The following MTBP variants were observed in gnomAD, a reference collection of about 807,000 sequenced individuals.
MTBP encodes MDM2 binding protein.
A neutral mutation model predicts 117.0 loss-of-function variants in MTBP; 101 were observed. The ratio of observed to expected loss-of-function variants is 0.86; its 90% CI spans 0.73 to 1.02. The LOEUF (loss-of-function observed/expected upper bound fraction) is 1.02. Ranked by LOEUF, MTBP falls within the 50% of genes least tolerant of loss-of-function variation. The probability of loss-of-function intolerance (pLI) is 0.00; values close to 1 mark genes in which losing one functional copy is unlikely to be tolerated. For missense variants in MTBP, 970 were observed against 1,030.9 expected (o/e 0.94, Z 0.81); for synonymous variants, 350 against 351.5 (o/e 1.00, Z 0.05).
At chr8:120,449,508 T>C (rs926985675) in intron 2 of MTBP, among the ~76,000 whole-genome samples, 1 of 152,032 alleles carries the variant, frequency 6.6e-6, no homozygotes, top group African/African-American at 2.4e-5. Flanking sequence ...AGATATTAGG[T>C]TGGTGCAAAA....
At chr8:120,457,516 C>T (rs1397535405) in intron 7 of MTBP, among the ~76,000 whole-genome samples, 1 of 152,128 alleles carries the variant, frequency 6.6e-6, no homozygotes, top group Non-Finnish European at 1.5e-5. Context: ...GATTAGACAA[C>T]AGGAATCAAT....
intron 13 of MTBP, among the ~76,000 whole-genome samples, chr8:120,496,344 A>G (rs1814458069): frequency 6.6e-6 from 1 of 152,084 alleles, no homozygotes; most frequent in Admixed American, 6.5e-5. Flanking sequence ...CCCCCTCAAC[A>G]CCTTTCCTTA....
chr8:120,458,327 G>T (rs1356664375), intron 7 of MTBP, among the ~76,000 whole-genome samples: 1 of 152,114 alleles, frequency 6.6e-6, no homozygotes, highest in African/African-American at 2.4e-5. Context: ...GTCTTCATCT[G>T]TAAGATGATG....
At chr8:120,523,245 T>C in intron 21 of MTBP, 53 bp from the exon 22 acceptor site, 1 of 1,178,814 alleles carries the variant, frequency 8.5e-7, no homozygotes, top group Non-Finnish European at 1.2e-6. Context: ...TATTTTTCTA[T>C]TACTTGTGTT....
intron 13 of MTBP, among the ~76,000 whole-genome samples, chr8:120,495,492 T>C (rs1407472910): frequency 6.6e-6 from 1 of 152,236 alleles, no homozygotes; most frequent in Non-Finnish European, 1.5e-5. Context: ...GAGAGTCATA[T>C]CTTGAAATCT....
intron 15 of MTBP, among the ~76,000 whole-genome samples, chr8:120,503,904 G>A (rs994474690): frequency 7.2e-5 from 11 of 152,114 alleles, no homozygotes; most frequent in Admixed American, 2.6e-4. Flanking sequence ...GGCTTCAGTC[G>A]AGTGAGTGGT....
At chr8:120,501,926 T>C (rs1814594907) in intron 14 of MTBP, among the ~76,000 whole-genome samples, 1 of 152,206 alleles carries the variant, frequency 6.6e-6, no homozygotes, top group Admixed American at 6.5e-5. Flanking sequence ...TTACACATAA[T>C]ATTTGATTAG....
At chr8:120,457,164 A>G (rs1813486647) in intron 7 of MTBP, among the ~76,000 whole-genome samples, 1 of 152,076 alleles carries the variant, frequency 6.6e-6, no homozygotes, top group Non-Finnish European at 1.5e-5. Context: ...TTTTAACCTT[A>G]CTGGACCCCA....
At chr8:120,481,398 T>C (rs1814081304) in intron 11 of MTBP, among the ~76,000 whole-genome samples, 1 of 152,192 alleles carries the variant, frequency 6.6e-6, no homozygotes, top group Non-Finnish European at 1.5e-5. Context: ...TTATTTGTAA[T>C]AGCCAACACT....
chr8:120,479,154 A>G (rs2130563452), intron 11 of MTBP, among the ~76,000 whole-genome samples: 1 of 152,360 alleles, frequency 6.6e-6, no homozygotes. Context: ...ACTCCAAAGG[A>G]GAGAAGTTGT....
rs1379743540 is a variant in MTBP, at chr8:120,517,992, C to G, written c.2388C>G (p.Ser796Arg). The G allele has an allele frequency of 2.5e-6, 4 of 1,612,696 alleles. No individual in the cohort carries two copies. The highest frequency in any genetic ancestry group is 2.5e-6 in the Non-Finnish European group (3 of 1,179,152). The change falls in exon 19 of 22, where the codon AGC becomes AGG. Residue 796 changes from serine (S) to arginine (R), a missense_variant. Physicochemically the swap from Ser to Arg is moderately radical, Grantham distance 110. Transcript: ENST00000305949. ...PVTCPLVPIP[S>R]CETPKLATKT... ...CTTGTCCATTGGTTCCAATTCCTAGCTGTGAAACTCCAAAACTTGCTACAA... is the reference window on the plus strand; with the variant it reads ...CTTGTCCATTGGTTCCAATTCCTAGGTGTGAAACTCCAAAACTTGCTACAA...
chr8:120,513,235 T>A (rs1814850017), intron 17 of MTBP, among the ~76,000 whole-genome samples: 1 of 152,090 alleles, frequency 6.6e-6, no homozygotes, highest in Non-Finnish European at 1.5e-5. Context: ...CCAAGAGATT[T>A]GGCAGTTCCT....
intron 10 of MTBP, among the ~76,000 whole-genome samples, chr8:120,467,059 C>A (rs940378853): frequency 1.3e-5 from 2 of 152,144 alleles, no homozygotes; most frequent in Admixed American, 1.3e-4. Context: ...CTTCAGTCAG[C>A]ATCTTAGCTT....
chr8:120,515,258 A>G (rs1223131438), intron 17 of MTBP, among the ~76,000 whole-genome samples: 1 of 152,030 alleles, frequency 6.6e-6, no homozygotes, highest in Admixed American at 6.6e-5. Context: ...CACAGCTCCT[A>G]GGTGATCTTC....
chr8:120,446,492 C>A lies in MTBP; in HGVS notation c.178C>A (p.Pro60Thr). The change falls in exon 2 of 22, where the codon CCA becomes ACA. Residue 60 changes from proline to threonine, a missense_variant. Physicochemically the swap from Pro to Thr is conservative, Grantham distance 38. Coordinates refer to ENST00000305949, the MANE Select transcript of MTBP (RefSeq NM_022045.5). ...LKRSISASIN[P>T]EDSTFPACSV... ...AAGAAGCATTAGTGCTTCAATTAAT[C>A]CAGAAGATAGTACTTTCCCTGGTAA... The A allele has an allele frequency of 6.3e-7, 1 of 1,595,550 alleles. No individual in the cohort carries two copies. The highest frequency in any genetic ancestry group is 8.6e-7 in the Non-Finnish European group (1 of 1,163,462).
intron 9 of MTBP, 48 bp from the exon 10 acceptor site, chr8:120,463,644 A>C (rs766945592): frequency 1.4e-6 from 2 of 1,419,440 alleles, no homozygotes; most frequent in East Asian, 2.3e-5. Flanking sequence ...TAAGGAGTAC[A>C]TTGTTTCATG....
intron 12 of MTBP, among the ~76,000 whole-genome samples, chr8:120,488,701 G>T (rs1180223821): frequency 6.6e-6 from 1 of 151,762 alleles, no homozygotes; most frequent in Non-Finnish European, 1.5e-5. Flanking sequence ...TTCTTCCCAG[G>T]CTTTATTATT....
At position 120,450,985 on chromosome 8, in the gene MTBP, T is replaced by A; in HGVS notation, c.200-18T>A. 1 of 1,590,878 alleles carries A rather than the reference T, an allele frequency of 6.3e-7. No individual in the cohort carries two copies. The highest frequency in any genetic ancestry group is 8.6e-7 in the Non-Finnish European group (1 of 1,164,518). On this transcript the variant is annotated intron_variant, in intron 2 of 21. Coordinates refer to ENST00000305949, the MANE Select transcript of MTBP (RefSeq NM_022045.5). ...TTATGGTATGCCTTTTTAATAATAA[T>A]GTGGTTTTATTTTCAAGCCTGTTCA...
chr8:120,452,918 TA>T (rs1813389341), intron 4 of MTBP: 1 of 151,562 alleles, frequency 6.6e-6, no homozygotes, highest in South Asian at 2.1e-4. Flanking sequence ...GCCTGAAAAC[TA>T]GAGTTTACAT....
Sources: allele counts gnomAD v4.1 joint callset (sites outside exome capture counted in the v4.1 genomes callset), GRCh38; gene constraint gnomAD v4.1.1; transcripts MANE v1.5; gene names NCBI Gene and HGNC (gene_info 2026-07-23, HGNC 2026-07-21).